Variants in RBPJ observed in about 807,000 individuals in gnomAD.
RBPJ encodes recombination signal binding protein for immunoglobulin kappa J region, also known as recombining binding protein suppressor of hairless.
In RBPJ, 9 loss-of-function variants were observed where a neutral mutation model predicts 67.8. The observed-to-expected ratio is 0.13, with a 90% CI of 0.08 to 0.23. RBPJ has a LOEUF of 0.23. RBPJ is among the 10% of genes least tolerant of loss of function. The pLI is 1.00. For missense variants in RBPJ, 305 were observed against 595.6 expected, an observed-to-expected ratio of 0.51 and a Z score of 5.08; for synonymous variants, 198 against 203.3, an observed-to-expected ratio of 0.97 and a Z score of 0.22.
chr4:26,244,751 A>T (rs1274306038), intron 1 of RBPJ, among the ~76,000 whole-genome samples: 1 of 151,706 alleles, frequency 6.6e-6, no homozygotes, highest in East Asian at 1.9e-4. Flanking sequence ...CAGCTTCCTG[A>T]GTAGCTGGGA....
intron 1 of RBPJ, among the ~76,000 whole-genome samples, chr4:26,373,915 CTTTTTTT>C (rs765161799): frequency 2.6e-5 from 3 of 113,344 alleles, no homozygotes; most frequent in Non-Finnish European, 5.2e-5. Context: ...TTATTTTTTA[CTTTTTTT>C]TTTTTTTTTT....
At chr4:26,219,849 C>T (rs982440929) in intron 1 of RBPJ, among the ~76,000 whole-genome samples, 1 of 152,074 alleles carries the variant, frequency 6.6e-6, no homozygotes, top group Non-Finnish European at 1.5e-5. Flanking sequence ...AATCTCGGCT[C>T]ACTGCAAGCT....
chr4:26,407,528 G>A (rs1733557438), intron 3 of RBPJ, among the ~76,000 whole-genome samples: 2 of 152,020 alleles, frequency 1.3e-5, no homozygotes, highest in South Asian at 4.1e-4. Context: ...TTCTTCACTT[G>A]GTTCCTGGAA....
At chr4:26,339,101 G>A (rs1725225911) in intron 1 of RBPJ, among the ~76,000 whole-genome samples, 1 of 152,158 alleles carries the variant, frequency 6.6e-6, no homozygotes, top group Non-Finnish European at 1.5e-5. Context: ...GATTACAGGT[G>A]TGAGCCACTG....
intron 1 of RBPJ, among the ~76,000 whole-genome samples, chr4:26,182,063 C>T (rs1184318432): frequency 6.6e-6 from 1 of 152,196 alleles, no homozygotes; most frequent in African/African-American, 2.4e-5. Flanking sequence ...TGACTCTTGG[C>T]TGGGTGCGGT....
At chr4:26,158,945 T>TTCTCTCTCTCTCTCTCTCTCTC (rs5856933), upstream of RBPJ, among the ~76,000 whole-genome samples, 17 of 136,840 alleles carry the variant, frequency 1.2e-4, no homozygotes, top group South Asian at 7.2e-4. Flanking sequence ...CTCTCTCTCT[T>TTCTCTCTCTCTCTCTCTCTCTC]TCTCTCTCTC....
At chr4:26,304,895 T>A (rs1722185780) in intron 1 of RBPJ, among the ~76,000 whole-genome samples, 1 of 152,126 alleles carries the variant, frequency 6.6e-6, no homozygotes, top group Admixed American at 6.6e-5. Context: ...TGGGTTTTTG[T>A]GTCATATCTA....
chr4:26,406,988 T>A (rs567174337), intron 3 of RBPJ, among the ~76,000 whole-genome samples: 35 of 152,324 alleles, frequency 2.3e-4, no homozygotes, highest in South Asian at 1.0e-3. Flanking sequence ...ACTTTTCTAC[T>A]TTCTACATAC....
At chr4:26,373,812 A>G (rs1005529540) in intron 1 of RBPJ, among the ~76,000 whole-genome samples, 8 of 152,200 alleles carry the variant, frequency 5.3e-5, no homozygotes, top group Non-Finnish European at 1.2e-4. Flanking sequence ...ATATATGTGC[A>G]CACACAAGTG....
intron 5 of RBPJ, among the ~76,000 whole-genome samples, chr4:26,422,328 T>A (rs1281268835): frequency 2.0e-5 from 3 of 152,160 alleles, no homozygotes; most frequent in Non-Finnish European, 4.4e-5. Flanking sequence ...TCATTGATGA[T>A]GTTTAAATCC....
intron 1 of RBPJ, among the ~76,000 whole-genome samples, chr4:26,212,458 A>T: frequency 1.7e-5 from 1 of 59,140 alleles, no homozygotes; most frequent in African/African-American, 7.4e-5. Context: ...TTTTTTTGAG[A>T]CAGAGTCTCA....
upstream of RBPJ, among the ~76,000 whole-genome samples, chr4:26,318,149 AC>A (rs1347794835): frequency 2.0e-5 from 3 of 151,562 alleles, no homozygotes; most frequent in Non-Finnish European, 4.4e-5. Context: ...ACACACACAC[AC>A]CCCTAAAACC....
At chr4:26,402,412 A>G (rs910638163) in intron 2 of RBPJ, among the ~76,000 whole-genome samples, 5 of 152,120 alleles carry the variant, frequency 3.3e-5, no homozygotes, top group African/African-American at 9.7e-5. Flanking sequence ...TTATTTGTCC[A>G]TAGTTAGCTT....
rs1736175847 is a variant in RBPJ at position 26,431,076 on chromosome 4, ATGAACAATCGTTTGTGGTTTCTTGGG to A, written c.*70_*95del. On this transcript the variant is annotated 3_prime_UTR_variant, in exon 11 of 11. Coordinates refer to ENST00000355476, the MANE Select transcript of RBPJ (RefSeq NM_015874.6). ...AAAAGTTAACAAAAAAGGAGAAAAA[ATGAACAATCGTTTGTGGTTTCTTGGG>A]AAAACTTTTCATACCAGGTGATACT... 6 of 1,412,432 alleles carry A rather than the reference ATGAACAATCGTTTGTGGTTTCTTGGG, an allele frequency of 4.2e-6. No individual in the cohort carries two copies. Among genetic ancestry groups the A allele is most frequent in the Non-Finnish European group, 5.9e-6 (6 of 1,021,290 alleles). 87.5% of individuals were successfully genotyped at this position (1,412,432 alleles called of 1,614,324 possible).
chr4:26,284,930 C>T (rs1721411770), intron 1 of RBPJ, among the ~76,000 whole-genome samples: 1 of 151,944 alleles, frequency 6.6e-6, no homozygotes, highest in South Asian at 2.1e-4. Context: ...AATCTCAGCT[C>T]ACTGCAACCT....
At chr4:26,253,549 G>T (rs1303037323) in intron 1 of RBPJ, among the ~76,000 whole-genome samples, 1 of 151,146 alleles carries the variant, frequency 6.6e-6, no homozygotes, top group African/African-American at 2.5e-5. Flanking sequence ...CTGACCTCGT[G>T]ATCCGCCCGC....
At chr4:26,149,021 CA>C in the RBPJ span, among the ~76,000 whole-genome samples, 2 of 152,178 alleles carry the variant, frequency 1.3e-5, no homozygotes, top group African/African-American at 2.4e-5. Flanking sequence ...GAAGTCTCCC[CA>C]CAACATGGAA....
At chr4:26,214,097 C>T (rs973455624) in intron 1 of RBPJ, among the ~76,000 whole-genome samples, 1 of 147,288 alleles carries the variant, frequency 6.8e-6, no homozygotes. Flanking sequence ...CCAGCCTGGG[C>T]AACATAGAGA....
chr4:26,314,583 A>C (rs1722542017), intron 1 of RBPJ, among the ~76,000 whole-genome samples: 1 of 152,076 alleles, frequency 6.6e-6, no homozygotes, highest in Admixed American at 6.5e-5. Flanking sequence ...GTCATTTAAA[A>C]GTATGTGGCA....
Sources: gnomAD v4.1 joint callset for allele counts (sites outside exome capture counted in the v4.1 genomes callset) on GRCh38, gnomAD v4.1.1 for gene constraint, MANE v1.5 for transcripts, NCBI Gene and HGNC (gene_info 2026-07-23, HGNC 2026-07-21) for gene names.